Variants in STK32B observed in about 807,000 individuals in gnomAD.
STK32B encodes serine/threonine kinase 32B.
Under a neutral mutation model 52.6 loss-of-function variants are expected in STK32B, and 43 were observed. That is an observed-to-expected ratio of 0.82 (90% confidence interval 0.64 to 1.05). The LOEUF (loss-of-function observed/expected upper bound fraction) is 1.05, where lower values mean the gene tolerates loss of function less well. Among genes scored for constraint, STK32B ranks in the 50% least tolerant of loss-of-function variants. The pLI is 0.00. For synonymous variants in STK32B, 238 were observed against 204.3 expected (o/e 1.17, Z -1.41); for missense variants, 621 against 534.6 (o/e 1.16, Z -1.59).
intron 6 of STK32B, among the ~76,000 whole-genome samples, chr4:5,420,074 CT>C (rs781472622): frequency 7.2e-5 from 11 of 152,242 alleles, no homozygotes; most frequent in Non-Finnish European, 1.3e-4. Flanking sequence ...ACAAGTATTT[CT>C]TTCCATTTTA....
In STK32B at chr4:5,386,718, C is replaced by G. The variant is rs542935666; in HGVS notation, c.435-11489C>G. Reference sequence around the variant, plus strand: ...TTCCCAGACAACTCGAAGGAAGTTACTTAACTCATCTAAACGTAGGTCCCC... The same window carrying G: ...TTCCCAGACAACTCGAAGGAAGTTAGTTAACTCATCTAAACGTAGGTCCCC... On this transcript the variant is annotated intron_variant, in intron 4 of 11. Coordinates refer to ENST00000282908, the MANE Select transcript of STK32B (RefSeq NM_018401.3). The surrounding 1 kb of genome is among the most constrained non-coding windows in gnomAD (Gnocchi z 4.5). Among the ~76,000 whole-genome samples the G allele has an allele frequency of 1.7e-3, 266 of 152,328 alleles. 4 individuals carry two copies. The highest frequency in any genetic ancestry group is 1.8e-4 in the Non-Finnish European group (12 of 68,026).
the STK32B span, among the ~76,000 whole-genome samples, chr4:5,044,405 GTCCCAGAGGGGAC>G: frequency 6.6e-6 from 1 of 152,028 alleles, no homozygotes; most frequent in Non-Finnish European, 1.5e-5. Context: ...AATTTAACAT[GTCCCAGAGGGGAC>G]TCCCAATCTC....
rs912247406 is a variant in STK32B, at chr4:5,384,550, C to T, written c.435-13657C>T. Among the ~76,000 whole-genome samples the T allele has an allele frequency of 3.9e-4, 60 of 152,060 alleles. 1 individual carries two copies. Among genetic ancestry groups the T allele is most frequent in the Non-Finnish European group, 8.8e-5 (6 of 68,016 alleles). On this transcript the variant is annotated intron_variant, in intron 4 of 11. Transcript: ENST00000282908. The stretch of plus-strand genomic sequence containing the variant: ...GGGATTTAGAGGGAAACTCAATTCC[C>T]TGGTTGTATTTTTCTGCAGCCACGT...
chr4:5,120,534 G>A (rs1714971214), intron 1 of STK32B, among the ~76,000 whole-genome samples: 2 of 151,970 alleles, frequency 1.3e-5, no homozygotes, highest in African/African-American at 4.8e-5. Flanking sequence ...TATGTTATAG[G>A]AAAAAAACAG....
chr4:5,218,079 CTT>C (rs1436230535), intron 3 of STK32B, among the ~76,000 whole-genome samples: 1 of 152,134 alleles, frequency 6.6e-6, no homozygotes, highest in Non-Finnish European at 1.5e-5. Context: ...TTTCAGGACT[CTT>C]TAAATTGCTT....
At chr4:5,298,860 G>C (rs1435523798) in intron 3 of STK32B, among the ~76,000 whole-genome samples, 1 of 151,644 alleles carries the variant, frequency 6.6e-6, no homozygotes, top group Non-Finnish European at 1.5e-5. Context: ...AACTCCTGCA[G>C]CTAGCTCAGT....
intron 11 of STK32B, among the ~76,000 whole-genome samples, chr4:5,480,628 A>T (rs987480638): frequency 3.8e-4 from 58 of 152,116 alleles, no homozygotes; most frequent in Non-Finnish European, 4.4e-5. Flanking sequence ...CATGTGCACA[A>T]CGTGCAGGTT....
intron 2 of STK32B, among the ~76,000 whole-genome samples, chr4:5,159,721 GTATATGAATATA>G (rs1347285884): frequency 2.8e-5 from 2 of 72,018 alleles, no homozygotes; most frequent in East Asian, 7.9e-4. Flanking sequence ...ATATATGAAT[GTATATGAATATA>G]TATATGAATA....
the STK32B span, among the ~76,000 whole-genome samples, chr4:5,033,098 C>G: frequency 7.2e-5 from 11 of 152,218 alleles, no homozygotes; most frequent in African/African-American, 2.6e-4. Context: ...TAACTTCCAG[C>G]CCCACAAACA....
intron 6 of STK32B, among the ~76,000 whole-genome samples, chr4:5,444,234 T>C (rs1715127520): frequency 6.6e-6 from 1 of 152,212 alleles, no homozygotes; most frequent in African/African-American, 2.4e-5. Context: ...CTCAGACTGC[T>C]GTGCTAGCAA....
chr4:5,163,917 C>T (rs1433833505), intron 2 of STK32B, among the ~76,000 whole-genome samples: 2 of 152,214 alleles, frequency 1.3e-5, no homozygotes, highest in Non-Finnish European at 2.9e-5. Flanking sequence ...ACTCCACCAG[C>T]CTGTGTTTCC....
chr4:5,369,914 C>T (rs1267279880), intron 4 of STK32B, among the ~76,000 whole-genome samples: 1 of 151,932 alleles, frequency 6.6e-6, no homozygotes, highest in East Asian at 1.9e-4. Flanking sequence ...CTTGCTCTGT[C>T]GCCCAGGCTG....
intron 1 of STK32B, among the ~76,000 whole-genome samples, chr4:5,077,486 C>T (rs2108772246): frequency 6.6e-6 from 1 of 152,270 alleles, no homozygotes; most frequent in East Asian, 1.9e-4. Flanking sequence ...CACTTCCAGG[C>T]AGCTTCTCTG....
intron 3 of STK32B, among the ~76,000 whole-genome samples, chr4:5,310,120 C>T (rs1472412877): frequency 6.6e-6 from 1 of 152,092 alleles, no homozygotes; most frequent in East Asian, 1.9e-4. Flanking sequence ...GAGCCCAGAT[C>T]ACGCCACTGC....
In STK32B at chr4:5,453,080, A is replaced by T. The variant is rs1716149385; in HGVS notation, c.667-3727A>T. On this transcript the variant is annotated intron_variant, in intron 7 of 11. Coordinates refer to ENST00000282908, the MANE Select transcript of STK32B (RefSeq NM_018401.3). The surrounding 1 kb of genome is among the most constrained non-coding windows in gnomAD (Gnocchi z 4.0). ...TGAACCTGGTGCCTAAAGCTGTGGA[A>T]CTTGTTTTAGTCATCATGTTCCGAA... is the stretch of plus-strand genomic sequence containing the variant. 6.6e-6 allele frequency among the ~76,000 whole-genome samples: 1 copy of T among 152,052 alleles called. No individual in the cohort carries two copies. The highest frequency in any genetic ancestry group is 6.6e-5 in the Admixed American group (1 of 15,246).
intron 1 of STK32B, among the ~76,000 whole-genome samples, chr4:5,128,898 G>A (rs1038638124): frequency 1.3e-5 from 2 of 152,226 alleles, no homozygotes; most frequent in Non-Finnish European, 2.9e-5. Context: ...TGAACAGGGT[G>A]CAGTTGGAAT....
At chr4:5,372,730 G>C (rs375644358) in intron 4 of STK32B, among the ~76,000 whole-genome samples, 3 of 150,024 alleles carry the variant, frequency 2.0e-5, no homozygotes, top group African/African-American at 2.5e-5. Context: ...TGGGGGGGGG[G>C]GCGGTTATTT....
At chr4:5,278,060 A>T (rs1727949178) in intron 3 of STK32B, among the ~76,000 whole-genome samples, 1 of 152,226 alleles carries the variant, frequency 6.6e-6, no homozygotes, top group African/African-American at 2.4e-5. Context: ...TGTACTTATC[A>T]TTGGCAGATG....
intron 3 of STK32B, among the ~76,000 whole-genome samples, chr4:5,177,602 C>A (rs1313202305): frequency 6.6e-6 from 1 of 152,198 alleles, no homozygotes; most frequent in African/African-American, 2.4e-5. Flanking sequence ...AAAGTCTCAT[C>A]TGCGACAAGG....
Sources: gnomAD v4.1 joint callset for allele counts (sites outside exome capture counted in the v4.1 genomes callset) on GRCh38, gnomAD v4.1.1 for gene constraint, Gnocchi (gnomAD v3.1) non-coding constraint, MANE v1.5 for transcripts, NCBI Gene and HGNC (gene_info 2026-07-23, HGNC 2026-07-21) for gene names.